The following PADI2 variants were observed in gnomAD, a reference collection of about 807,000 sequenced individuals.
PADI2 encodes the protein peptidyl arginine deiminase 2.
In PADI2, 70 loss-of-function variants were observed where a neutral mutation model predicts 81.1. That is an observed-to-expected ratio of 0.86 (90% confidence interval 0.71 to 1.05). The LOEUF is 1.05. Among genes scored for constraint, PADI2 ranks in the 50% least tolerant of loss-of-function variants. The pLI, the probability that PADI2 is intolerant of heterozygous loss-of-function variation, is 0.00. For missense variants in PADI2, 853 were observed against 889.9 expected, an observed-to-expected ratio of 0.96 and a Z score of 0.53; for synonymous variants, 338 against 358.0, an observed-to-expected ratio of 0.94 and a Z score of 0.63.
At chr1:17,117,031 G>T (rs1931780507) in intron 1 of PADI2, among the ~76,000 whole-genome samples, 1 of 152,168 alleles carries the variant, frequency 6.6e-6, no homozygotes. Flanking sequence ...TTTGGGGGTT[G>T]CTACTGGCAT....
rs897274476 is a variant in PADI2, at chr1:17,086,382, G to A, written c.834+139C>T. Reference sequence around the variant, plus strand: ...AGACACGTGCAGGCTTTGCTGGGGGGCATCGAGGTCTCCTAGCCTGGACCC... The same window carrying A: ...AGACACGTGCAGGCTTTGCTGGGGGACATCGAGGTCTCCTAGCCTGGACCC... On this transcript the variant is annotated intron_variant, in intron 7 of 15. Coordinates refer to ENST00000375486, the MANE Select transcript of PADI2 (RefSeq NM_007365.3). The A allele has an allele frequency of 3.3e-5, 21 of 637,400 alleles. No individual in the cohort carries two copies. In the South Asian group the frequency reaches 3.5e-4, roughly 11 times the overall value. The allele number at this position is 637,400 out of a possible 1,614,324, so 39.5% of individuals were successfully genotyped here.
rs1570977088 is a variant in PADI2 at position 17,074,925 on chromosome 1, T to G, written c.1480A>C (p.Thr494Pro). ...TKKFLLLMAS[T>P]SACYKLFREK... is the part of the protein sequence containing the mutation. ...CGGAAGAGCTTGTAGCAGGCCGAGG[T>G]GCTGGCCATGAGTAGCAGGAATTTC... Residue 494 changes from threonine (T) to proline (P), a missense_variant, in exon 13 of 16, where the codon ACC becomes CCC. Physicochemically the swap from Thr to Pro is conservative, Grantham distance 38 (BLOSUM62 -1). Coordinates refer to ENST00000375486, the MANE Select transcript of PADI2 (RefSeq NM_007365.3). The G allele has an allele frequency of 6.2e-7, 1 of 1,612,772 alleles. No individual in the cohort carries two copies. The highest frequency in any genetic ancestry group is 1.1e-5 in the South Asian group (1 of 90,852).
At chr1:17,070,361 C>T in intron 14 of PADI2, 145 bp from the exon 15 acceptor site, 1 of 933,110 alleles carries the variant, frequency 1.1e-6, no homozygotes. Flanking sequence ...CCTCTGCAGC[C>T]TCTCCCTGGC....
At chr1:17,101,131 A>G (rs1371582043) in intron 3 of PADI2, among the ~76,000 whole-genome samples, 1 of 152,078 alleles carries the variant, frequency 6.6e-6, no homozygotes, top group Non-Finnish European at 1.5e-5. Context: ...CCTCGGAAGG[A>G]TGAACTTGGT....
intron 12 of PADI2, 138 bp downstream of exon 12, chr1:17,075,540 CA>C (rs1236911046): frequency 2.7e-6 from 2 of 750,590 alleles, no homozygotes; most frequent in Non-Finnish European, 4.1e-6. Context: ...ACAGCAACAA[CA>C]TGCAAACCAG....
Position 17,115,972 on chromosome 1 carries a change from G to A in PADI2, c.92+3308C>T, listed in dbSNP as rs762808699. Among the ~76,000 whole-genome samples, 1 of 152,216 alleles carries A rather than the reference G, an allele frequency of 6.6e-6. No individual in the cohort carries two copies. ...CAGGGGGGCCAGTTTTGCTGGGAGAGCGTGGGTGGCCCAGAGCACCCCTGC... is the reference window on the plus strand; with the variant it reads ...CAGGGGGGCCAGTTTTGCTGGGAGAACGTGGGTGGCCCAGAGCACCCCTGC... On this transcript the variant is annotated intron_variant, in intron 1 of 15. Transcript: ENST00000375486. This position sits in a 1 kb window ranked among gnomAD's most constrained non-coding sequence, Gnocchi z 4.1.
At chr1:17,114,674 G>A (rs186636255) in intron 1 of PADI2, among the ~76,000 whole-genome samples, 51 of 152,088 alleles carry the variant, frequency 3.4e-4, no homozygotes, top group African/African-American at 1.2e-3. Context: ...TGATGAAACA[G>A]AGTTCTCGGG....
At chr1:17,101,905 AG>A (rs1464047066) in intron 3 of PADI2, among the ~76,000 whole-genome samples, 3 of 152,216 alleles carry the variant, frequency 2.0e-5, no homozygotes, top group African/African-American at 7.2e-5. Flanking sequence ...TCCTTGGAAT[AG>A]TTGGAAGAAG....
Position 17,069,113 on chromosome 1 carries a change from C to T in PADI2, c.1929G>A (p.Gly643=), listed in dbSNP as rs1465599720. The T allele has an allele frequency of 6.2e-7, 1 of 1,614,208 alleles. No homozygotes were observed. The highest frequency in any genetic ancestry group is 8.5e-7 in the Non-Finnish European group (1 of 1,180,026). The change falls in exon 16 of 16, where the codon GGG becomes GGA. Residue 643 remains glycine (G), a synonymous_variant. Transcript: ENST00000375486. ...DDISAYHKFL[G]EVHCGTNVRR... ...GGACGTTGGTGCCACAGTGGACTTC[C>T]CCCAGAAATTTGTGGTAGGCAGAAA...
intron 12 of PADI2, 60 bp downstream of exon 12, chr1:17,075,619 G>C: frequency 6.8e-7 from 1 of 1,470,922 alleles, no homozygotes; most frequent in South Asian, 1.2e-5. Flanking sequence ...GCTGGCAGGG[G>C]CGGGTAATAT....
intron 3 of PADI2, 39 bp from the exon 4 acceptor site, chr1:17,096,009 AGGCAG>A (rs756099119): frequency 3.1e-5 from 47 of 1,529,938 alleles, no homozygotes; most frequent in South Asian, 7.0e-5. Context: ...TGAGCCTGCC[AGGCAG>A]GGCAGGGCAG....
At chr1:17,103,330 C>T (rs1285788619) in intron 2 of PADI2, among the ~76,000 whole-genome samples, 4 of 152,348 alleles carry the variant, frequency 2.6e-5, no homozygotes, top group Admixed American at 6.5e-5. Context: ...ATTCTGCTGC[C>T]TGGGGTCCCC....
intron 4 of PADI2, among the ~76,000 whole-genome samples, chr1:17,094,689 T>G (rs1010755486): frequency 9.9e-5 from 15 of 152,168 alleles, no homozygotes; most frequent in Non-Finnish European, 2.2e-4. Context: ...CAGCAAATAT[T>G]TATGGGATGA....
chr1:17,077,769 A>T (rs1980508), intron 11 of PADI2, among the ~76,000 whole-genome samples: 1 of 152,146 alleles, frequency 6.6e-6, no homozygotes, highest in Non-Finnish European at 1.5e-5. Context: ...CTCGGAGGAA[A>T]CTGGCGGCCA....
rs369624452 is a variant in PADI2, at chr1:17,092,433, G to T, written c.630C>A (p.Asp210Glu). The T allele has an allele frequency of 1.9e-6, 3 of 1,607,908 alleles. No homozygotes were observed. The highest frequency in any genetic ancestry group is 1.7e-6 in the Non-Finnish European group (2 of 1,177,660). ...TCTCCACGTAGAACACGCCCACTTTGTCTGAGTCTGACATGGAAATGTACA... is the reference window on the plus strand; with the variant it reads ...TCTCCACGTAGAACACGCCCACTTTTTCTGAGTCTGACATGGAAATGTACA... ...IVLYISMSDS[D>E]KVGVFYVENP... Residue 210 changes from aspartate to glutamate, a missense_variant, in exon 6 of 16, where the codon GAC (aspartate) becomes GAA (glutamate). Physicochemically the swap from Asp to Glu is conservative, Grantham distance 45. Transcript: ENST00000375486.
At chr1:17,108,003 T>C (rs1013961555) in intron 1 of PADI2, among the ~76,000 whole-genome samples, 2 of 151,150 alleles carry the variant, frequency 1.3e-5, no homozygotes, top group Non-Finnish European at 3.0e-5. Context: ...GGCTAGAGTG[T>C]AGTGGCGTGA....
intron 6 of PADI2, among the ~76,000 whole-genome samples, chr1:17,087,807 C>T (rs1237068110): frequency 6.6e-6 from 1 of 152,194 alleles, no homozygotes; most frequent in African/African-American, 2.4e-5. Context: ...CACCCGGCCT[C>T]ATCACAGCCT....
rs113857338 is a variant in PADI2 at position 17,090,819 on chromosome 1, G to A, written c.655+1589C>T. Among the ~76,000 whole-genome samples, 81 of 152,020 alleles carry A rather than the reference G, an allele frequency of 5.3e-4. 1 individual carries two copies. The highest frequency in any genetic ancestry group is 1.9e-3 in the African/African-American group (78 of 41,460). ...GGACCCATCTCAGATGGCAAGTGAT[G>A]AGGAGGGATGAGATTATGGAACCAG... On this transcript the variant is annotated intron_variant, in intron 6 of 15. Coordinates refer to ENST00000375486, the MANE Select transcript of PADI2 (RefSeq NM_007365.3).
intron 6 of PADI2, among the ~76,000 whole-genome samples, chr1:17,087,646 G>A (rs12090019): frequency 8.2e-4 from 124 of 152,076 alleles, no homozygotes; most frequent in African/African-American, 2.7e-3. Context: ...GATTACAGGC[G>A]CCCACCACCA....
Sources: gnomAD v4.1 joint callset for allele counts (sites outside exome capture counted in the v4.1 genomes callset) on GRCh38, gnomAD v4.1.1 for gene constraint, Gnocchi (gnomAD v3.1) non-coding constraint, MANE v1.5 for transcripts, NCBI Gene and HGNC (gene_info 2026-07-23, HGNC 2026-07-21) for gene names.